Variants in TBC1D12 observed in about 807,000 individuals in gnomAD.
The protein encoded by TBC1D12 is TBC1 domain family member 12.
Under a neutral mutation model 86.7 loss-of-function variants are expected in TBC1D12, and 56 were observed. The observed-to-expected ratio is 0.65, with a 90% CI of 0.52 to 0.81. The LOEUF (loss-of-function observed/expected upper bound fraction) is 0.81, where lower values mean the gene tolerates loss of function less well. Among genes scored for constraint, TBC1D12 ranks in the 30% least tolerant of loss-of-function variants. The pLI, the probability that TBC1D12 is intolerant of heterozygous loss-of-function variation, is 0.00. For synonymous variants in TBC1D12, 421 were observed against 411.7 expected (o/e 1.02, Z -0.27); for missense variants, 1,023 against 1,038.8 (o/e 0.98, Z 0.21).
chr10:94,485,364 G>T lies in TBC1D12; in HGVS notation c.1212-8001G>T, dbSNP rs565616812. Among the ~76,000 whole-genome samples, 5 of 152,198 alleles carry T rather than the reference G, an allele frequency of 3.3e-5. No individual in the cohort carries two copies. The South Asian group carries it at 8.3e-4, about 25-fold the overall frequency. ...GAAATTATATGGTTTTTGTCTTTCTGTTGAGGTGATGTATCACACTGATTG... is the reference window on the plus strand; with the variant it reads ...GAAATTATATGGTTTTTGTCTTTCTTTTGAGGTGATGTATCACACTGATTG... On this transcript the variant is annotated intron_variant, in intron 3 of 12. Coordinates refer to ENST00000225235, the MANE Select transcript of TBC1D12 (RefSeq NM_015188.2).
chr10:94,437,621 C>A (rs969691831), intron 1 of TBC1D12, among the ~76,000 whole-genome samples: 33 of 152,204 alleles, frequency 2.2e-4, no homozygotes, highest in African/African-American at 7.7e-4. Context: ...TTTTCTGCCT[C>A]TTTGTCTTTC....
chr10:94,415,745 C>CA lies in TBC1D12; in HGVS notation c.971+12169dup, dbSNP rs149798343. Among the ~76,000 whole-genome samples the CA allele has an allele frequency of 2.1e-3, 317 of 151,076 alleles. 16 individuals carry two copies. The East Asian group carries it at 0.055, about 26-fold the overall frequency. On this transcript the variant is annotated intron_variant, in intron 1 of 12. Transcript: ENST00000225235. The stretch of plus-strand genomic sequence containing the variant: ...CCTGGGCGACAGAGCGAGACTGTCT[C>CA]AAAAAAAAGACTAATAAAACTTTTG...
intron 6 of TBC1D12, among the ~76,000 whole-genome samples, chr10:94,501,072 A>AAATGAATGAATGAATG (rs199587549): frequency 7.0e-6 from 1 of 143,236 alleles, no homozygotes. Flanking sequence ...ATGAATGAAT[A>AAATGAATGAATGAATG]AATGAATGAA....
intron 1 of TBC1D12, among the ~76,000 whole-genome samples, chr10:94,405,224 T>C (rs1329859136): frequency 6.6e-6 from 1 of 152,190 alleles, no homozygotes; most frequent in Non-Finnish European, 1.5e-5. Context: ...GGATCTTGAC[T>C]ATAACCAGAA....
chr10:94,468,755 A>C (rs554350237), intron 2 of TBC1D12, among the ~76,000 whole-genome samples: 1 of 152,286 alleles, frequency 6.6e-6, no homozygotes, highest in South Asian at 2.1e-4. Context: ...TGTCTTAAAT[A>C]TTGTTCTCCC....
chr10:94,518,817 G>A (rs983691400), intron 9 of TBC1D12, among the ~76,000 whole-genome samples: 35 of 152,348 alleles, frequency 2.3e-4, no homozygotes, highest in African/African-American at 8.2e-4. Flanking sequence ...GCTCACGCCT[G>A]TAATCCCAGC....
Position 94,510,085 on chromosome 10 carries a change from A to G in TBC1D12, c.1601-6A>G, listed in dbSNP as rs2056508060. On this transcript the variant is annotated splice_region_variant and splice_polypyrimidine_tract_variant and intron_variant, in intron 7 of 12. Transcript: ENST00000225235. ...CATTTAAATTGTATCTGCTTGGTAA[A>G]TGCAGGTGTATCTGTTGCTGATCGA... 4 of 1,603,358 alleles carry G rather than the reference A, an allele frequency of 2.5e-6. No homozygotes were observed. Among genetic ancestry groups the G allele is most frequent in the Non-Finnish European group, 1.7e-6 (2 of 1,175,752 alleles).
At chr10:94,496,007 G>A (rs913213110) in intron 4 of TBC1D12, among the ~76,000 whole-genome samples, 2 of 152,010 alleles carry the variant, frequency 1.3e-5, no homozygotes, top group African/African-American at 4.8e-5. Context: ...AGAGGCTGAG[G>A]CAGGAGAATT....
rs138660749 is a variant in TBC1D12, at chr10:94,523,097, G to A, written c.2000+644G>A. On this transcript the variant is annotated intron_variant, in intron 11 of 12. Coordinates refer to ENST00000225235, the MANE Select transcript of TBC1D12 (RefSeq NM_015188.2). ...CTGGGTGTAGTCGCTGTAGGCTGCAGCAGGACAATTGTTGGAACCTGAGAG... is the reference window on the plus strand; with the variant it reads ...CTGGGTGTAGTCGCTGTAGGCTGCAACAGGACAATTGTTGGAACCTGAGAG... Among the ~76,000 whole-genome samples, 587 of 134,598 alleles carry A rather than the reference G, an allele frequency of 4.4e-3. 1 individual carries two copies. The highest frequency in any genetic ancestry group is 0.015 in the African/African-American group (534 of 36,234). 88.3% of individuals were successfully genotyped at this position (134,598 alleles called of 152,430 possible).
chr10:94,527,478 A>C, intron 11 of TBC1D12, among the ~76,000 whole-genome samples: 1 of 145,148 alleles, frequency 6.9e-6, no homozygotes. Flanking sequence ...TAGTTTGCAG[A>C]TATTTTTTCC....
chr10:94,439,857 A>C (rs2055354756), intron 1 of TBC1D12, among the ~76,000 whole-genome samples: 1 of 152,254 alleles, frequency 6.6e-6, no homozygotes, highest in Non-Finnish European at 1.5e-5. Flanking sequence ...GCCATAAATA[A>C]GATGTAGACA....
At chr10:94,518,918 T>TA (rs1385865179) in intron 9 of TBC1D12, among the ~76,000 whole-genome samples, 1 of 151,898 alleles carries the variant, frequency 6.6e-6, no homozygotes, top group Non-Finnish European at 1.5e-5. Context: ...CTATTAAAAA[T>TA]ACAAAAATTA....
chr10:94,437,473 C>T (rs776520406), intron 1 of TBC1D12, among the ~76,000 whole-genome samples: 4 of 151,910 alleles, frequency 2.6e-5, no homozygotes, highest in Non-Finnish European at 5.9e-5. Context: ...ACTACAGGCG[C>T]CCGCCACCAT....
chr10:94,474,212 A>G (rs1177527014), intron 2 of TBC1D12, among the ~76,000 whole-genome samples: 1 of 152,204 alleles, frequency 6.6e-6, no homozygotes, highest in African/African-American at 2.4e-5. Flanking sequence ...AGCTGATATC[A>G]TAGAAGGCAA....
intron 5 of TBC1D12, among the ~76,000 whole-genome samples, chr10:94,499,964 T>A (rs771242217): frequency 6.6e-6 from 1 of 152,210 alleles, no homozygotes; most frequent in African/African-American, 2.4e-5. Context: ...GACTGCATAT[T>A]TCTGATTCTC....
chr10:94,442,108 C>G, intron 2 of TBC1D12, 89 bp downstream of exon 2: 1 of 1,316,886 alleles, frequency 7.6e-7, no homozygotes, highest in Non-Finnish European at 1.0e-6. Flanking sequence ...TTAAACTAAC[C>G]ATATTCTATT....
chr10:94,408,617 T>A (rs1012530559), intron 1 of TBC1D12, among the ~76,000 whole-genome samples: 1 of 152,172 alleles, frequency 6.6e-6, no homozygotes, highest in Non-Finnish European at 1.5e-5. Context: ...CACCTAGAAT[T>A]TGTGCTAGTT....
At chr10:94,419,124 C>T (rs943818404) in intron 1 of TBC1D12, among the ~76,000 whole-genome samples, 1 of 152,162 alleles carries the variant, frequency 6.6e-6, no homozygotes, top group African/African-American at 2.4e-5. Context: ...CCACCGGCCT[C>T]GGCCTCCCGA....
At chr10:94,465,834 G>A (rs1015932667) in intron 2 of TBC1D12, among the ~76,000 whole-genome samples, 25 of 150,044 alleles carry the variant, frequency 1.7e-4, no homozygotes, top group East Asian at 5.9e-4. Flanking sequence ...ATACGTATAC[G>A]CATACATATA....
Sources: gnomAD v4.1 joint callset for allele counts (sites outside exome capture counted in the v4.1 genomes callset) on GRCh38, gnomAD v4.1.1 for gene constraint, MANE v1.5 for transcripts, NCBI Gene and HGNC (gene_info 2026-07-23, HGNC 2026-07-21) for gene names.